Variants in ASTN2 observed in about 807,000 individuals in gnomAD.
ASTN2 encodes astrotactin-2.
ASTN2 carries 54 observed loss-of-function variants against 139.8 expected under a neutral mutation model. The ratio of observed to expected loss-of-function variants is 0.39; its 90% confidence interval spans 0.31 to 0.48. The LOEUF is 0.48. ASTN2 is among the 20% of genes least tolerant of loss of function. ASTN2 has a pLI of 0.95. For synonymous variants in ASTN2, 756 were observed against 719.5 expected, an observed-to-expected ratio of 1.05 and a Z score of -0.81; for missense variants, 1,565 against 1,725.1, an observed-to-expected ratio of 0.91 and a Z score of 1.64.
Position 117,314,635 on chromosome 9 carries a change from TATA to T in ASTN2, c.443-23125_443-23123del, listed in dbSNP as rs1260820757. On this transcript the variant is annotated intron_variant, in intron 1 of 22. Coordinates refer to ENST00000313400, the MANE Select transcript of ASTN2 (RefSeq NM_001365068.1). Reference sequence around the variant, plus strand: ...TATTTTATAATATACAATATATAATTATAATTATTATATAAAATATGTATAATT... The same window carrying T: ...TATTTTATAATATACAATATATAATTATTATTATATAAAATATGTATAATT... Among the ~76,000 whole-genome samples, 11 of 145,994 alleles carry T rather than the reference TATA, an allele frequency of 7.5e-5. 1 individual carries two copies. The South Asian group carries it at 1.1e-3, about 14-fold the overall frequency.
intron 4 of ASTN2, among the ~76,000 whole-genome samples, chr9:117,127,553 A>T (rs985133196): frequency 1.3e-5 from 2 of 152,114 alleles, no homozygotes; most frequent in Non-Finnish European, 2.9e-5. Flanking sequence ...TGAGAACAGC[A>T]GATTTTTACA....
chr9:116,906,849 A>G (rs907640032), intron 10 of ASTN2, among the ~76,000 whole-genome samples: 1 of 152,160 alleles, frequency 6.6e-6, no homozygotes, highest in African/African-American at 2.4e-5. Flanking sequence ...CCAACCTAAT[A>G]CCTTGAAGTT....
intron 2 of ASTN2, among the ~76,000 whole-genome samples, chr9:117,244,616 G>C (rs1833320147): frequency 7.5e-6 from 1 of 133,822 alleles, no homozygotes; most frequent in African/African-American, 2.9e-5. Context: ...GAGAGGGAGG[G>C]AGGGAAGAGA....
chr9:116,605,730 G>A (rs1161294424), intron 19 of ASTN2, among the ~76,000 whole-genome samples: 1 of 152,172 alleles, frequency 6.6e-6, no homozygotes, highest in African/African-American at 2.4e-5. Flanking sequence ...GTTGCTGTCA[G>A]TGGCTAGATA....
At chr9:117,094,096 GAAGA>G (rs1828774600) in intron 5 of ASTN2, among the ~76,000 whole-genome samples, 1 of 124,624 alleles carries the variant, frequency 8.0e-6, no homozygotes, top group South Asian at 2.8e-4. Flanking sequence ...TGTATCAAAG[GAAGA>G]AAGAAAGGAG....
chr9:116,428,039 CT>C (rs1588047462), intron 22 of ASTN2, among the ~76,000 whole-genome samples: 1 of 152,366 alleles, frequency 6.6e-6, no homozygotes, highest in East Asian at 1.9e-4. Context: ...TGTGGCAGAA[CT>C]TCTGGTAGAG....
rs557778238 is a variant in ASTN2 at position 117,248,905 on chromosome 9, C to T, written c.631-34163G>A. 5.3e-5 allele frequency among the ~76,000 whole-genome samples: 8 copies of T among 152,336 alleles called. No homozygotes were observed. In the South Asian group the frequency reaches 1.7e-3, roughly 32 times the overall value. ...AAGGCTGGATGGACTATCGGGCTGC[C>T]TCACTGCTGATGATGAGGTTCGGGG... On this transcript the variant is annotated intron_variant, in intron 2 of 22. Transcript: ENST00000313400.
intron 19 of ASTN2, among the ~76,000 whole-genome samples, chr9:116,552,792 G>A (rs1852411194): frequency 2.0e-5 from 3 of 152,186 alleles, no homozygotes; most frequent in African/African-American, 7.2e-5. Context: ...CCAGGGATGA[G>A]GTTTGGGGCC....
intron 19 of ASTN2, among the ~76,000 whole-genome samples, chr9:116,604,656 G>A (rs1855093913): frequency 6.6e-6 from 1 of 152,180 alleles, no homozygotes; most frequent in African/African-American, 2.4e-5. Flanking sequence ...TACAATGTAA[G>A]TGCTCCATCA....
Position 116,694,459 on chromosome 9 carries a change from C to CTTTTTTTT in ASTN2, c.2806+31304_2806+31311dup, listed in dbSNP as rs56666915. On this transcript the variant is annotated intron_variant, in intron 16 of 22. Coordinates refer to ENST00000313400, the MANE Select transcript of ASTN2 (RefSeq NM_001365068.1). Reference sequence around the variant, plus strand: ...GCATGGATCCTGAGTTGTAATTTCTCTTTTTTTTTTTTTTTTTTTTGAGAT... The same window carrying CTTTTTTTT: ...GCATGGATCCTGAGTTGTAATTTCTCTTTTTTTTTTTTTTTTTTTTTTTTTTTTGAGAT... 5.3e-4 allele frequency among the ~76,000 whole-genome samples: 47 copies of CTTTTTTTT among 88,046 alleles called. 3 individuals are homozygous for CTTTTTTTT. The highest frequency in any genetic ancestry group is 3.4e-3 in the East Asian group (9 of 2,622). The allele number at this position is 88,046 out of a possible 152,430, so 57.8% of individuals were successfully genotyped here. A position where few individuals can be genotyped will look rare whatever the true frequency, so the allele number is the denominator to read the frequency against.
intron 13 of ASTN2, among the ~76,000 whole-genome samples, chr9:116,779,846 T>A (rs190368502): frequency 1.8e-3 from 276 of 152,344 alleles, no homozygotes; most frequent in African/African-American, 6.1e-3. Flanking sequence ...ATTTTTTAAA[T>A]TCCCCCCTGG....
rs540779142 is a variant in ASTN2, at chr9:117,195,979, T to C, written c.1015+18379A>G. On this transcript the variant is annotated intron_variant, in intron 3 of 22. Coordinates refer to ENST00000313400, the MANE Select transcript of ASTN2 (RefSeq NM_001365068.1). The stretch of plus-strand genomic sequence containing the variant: ...GATTACCTATTTTTTATTCCCAGAT[T>C]TGTGAGTGAAGCAAGCCCATGGTTG... Among the ~76,000 whole-genome samples, 6 of 152,290 alleles carry C rather than the reference T, an allele frequency of 3.9e-5. No individual in the cohort carries two copies. In the South Asian group the frequency reaches 1.2e-3, roughly 32 times the overall value.
chr9:117,079,385 A>T (rs1273946542), intron 5 of ASTN2, among the ~76,000 whole-genome samples: 1 of 152,056 alleles, frequency 6.6e-6, no homozygotes, highest in Non-Finnish European at 1.5e-5. Flanking sequence ...AGGCAGACCG[A>T]CCGACCAACC....
intron 19 of ASTN2, among the ~76,000 whole-genome samples, chr9:116,558,913 G>A (rs1367206912): frequency 2.6e-5 from 4 of 152,194 alleles, no homozygotes; most frequent in East Asian, 3.9e-4. Context: ...CTTAAGAAAT[G>A]CTCATTCTCG....
At chr9:116,856,731 A>G (rs1832751231) in intron 11 of ASTN2, among the ~76,000 whole-genome samples, 1 of 152,232 alleles carries the variant, frequency 6.6e-6, no homozygotes, top group African/African-American at 2.4e-5. Context: ...CTTTCCTAAT[A>G]TCTGGCAGGC....
chr9:116,734,270 A>G (rs1828863308), intron 13 of ASTN2, among the ~76,000 whole-genome samples: 1 of 152,186 alleles, frequency 6.6e-6, no homozygotes, highest in Non-Finnish European at 1.5e-5. Flanking sequence ...CAGGGAACAG[A>G]AGACAGACCT....
chr9:116,965,169 T>C (rs1188644381), intron 10 of ASTN2, among the ~76,000 whole-genome samples: 5 of 152,222 alleles, frequency 3.3e-5, no homozygotes, highest in African/African-American at 1.2e-4. Context: ...CATAATATCT[T>C]AGGCAGCCCC....
chr9:117,090,004 G>A (rs899027310), intron 5 of ASTN2, among the ~76,000 whole-genome samples: 1 of 152,180 alleles, frequency 6.6e-6, no homozygotes, highest in Non-Finnish European at 1.5e-5. Flanking sequence ...AGAGCATGGT[G>A]AATTTGTACA....
At chr9:116,488,431 G>GA (rs1161793971) in intron 19 of ASTN2, among the ~76,000 whole-genome samples, 3 of 151,762 alleles carry the variant, frequency 2.0e-5, no homozygotes, top group Admixed American at 6.6e-5. Flanking sequence ...TAGGATTCTT[G>GA]AAAAAAATAA....
Sources: allele counts gnomAD v4.1 joint callset (sites outside exome capture counted in the v4.1 genomes callset), GRCh38; gene constraint gnomAD v4.1.1; transcripts MANE v1.5; gene names NCBI Gene and HGNC (gene_info 2026-07-23, HGNC 2026-07-21).